Variants in NBAS observed in about 807,000 individuals in gnomAD.
The protein encoded by NBAS is NBAS subunit of NRZ tethering complex, also known as NAG/BC035112 fusion.
A neutral mutation model predicts 302.5 loss-of-function variants in NBAS; 219 were observed. That is an observed-to-expected ratio of 0.72 (90% CI 0.65 to 0.81). NBAS has a LOEUF of 0.81. Ranked by LOEUF, NBAS falls within the 30% of genes least tolerant of loss-of-function variation. The probability of loss-of-function intolerance (pLI) is 0.00; values close to 1 mark genes in which losing one functional copy is unlikely to be tolerated. For synonymous variants in NBAS, 1,118 were observed against 1,021.6 expected (o/e 1.09, Z -1.80); for missense variants, 2,932 against 2,841.6 (o/e 1.03, Z -0.72).
the NBAS span, among the ~76,000 whole-genome samples, chr2:14,843,706 C>T: frequency 1.3e-5 from 2 of 152,074 alleles, no homozygotes; most frequent in Admixed American, 6.5e-5. Context: ...GATGTCACAC[C>T]TCCCTCATCC....
the NBAS span, among the ~76,000 whole-genome samples, chr2:15,011,986 C>T: frequency 3.9e-5 from 6 of 152,222 alleles, no homozygotes; most frequent in African/African-American, 1.4e-4. Flanking sequence ...TCATAGAAGT[C>T]AACAGAGGAA....
the NBAS span, among the ~76,000 whole-genome samples, chr2:15,107,612 G>A: frequency 6.6e-6 from 1 of 152,098 alleles, no homozygotes; most frequent in African/African-American, 2.4e-5. Flanking sequence ...ACCAACAGAA[G>A]GAAGCAACAT....
At chr2:14,795,507 A>C in the NBAS span, among the ~76,000 whole-genome samples, 3 of 151,838 alleles carry the variant, frequency 2.0e-5, no homozygotes, top group African/African-American at 7.3e-5. Context: ...CAAGCCCTTT[A>C]TCAGATATAA....
chr2:15,459,944 C>A (rs77225187), intron 21 of NBAS, among the ~76,000 whole-genome samples: 2,027 of 152,250 alleles, frequency 0.013, 35 homozygotes, highest in East Asian at 0.058. Context: ...TGCTACTGAA[C>A]TTCTGTAAAT....
At chr2:15,542,728 A>G (rs1663910905) in intron 6 of NBAS, among the ~76,000 whole-genome samples, 1 of 152,236 alleles carries the variant, frequency 6.6e-6, no homozygotes, top group African/African-American at 2.4e-5. Context: ...TGACATATGC[A>G]CAGATGCTAC....
chr2:14,949,095 A>T, the NBAS span, among the ~76,000 whole-genome samples: 1 of 152,152 alleles, frequency 6.6e-6, no homozygotes, highest in Admixed American at 6.5e-5. Flanking sequence ...ATCAAATCAA[A>T]TTGGATTACA....
chr2:15,493,983 G>A (rs561459217), intron 11 of NBAS, among the ~76,000 whole-genome samples: 10 of 151,808 alleles, frequency 6.6e-5, no homozygotes, highest in South Asian at 2.1e-4. Flanking sequence ...CTGCCACCAC[G>A]CCGGGCTAAT....
chr2:15,389,424 C>T (rs1675479282), intron 28 of NBAS, among the ~76,000 whole-genome samples: 1 of 152,188 alleles, frequency 6.6e-6, no homozygotes, highest in Non-Finnish European at 1.5e-5. Flanking sequence ...TTGCTGGCTA[C>T]ATGGGTATGG....
the NBAS span, among the ~76,000 whole-genome samples, chr2:15,039,806 GGACA>G: frequency 6.6e-6 from 1 of 152,208 alleles, no homozygotes; most frequent in East Asian, 1.9e-4. Flanking sequence ...AACTCAGAAA[GGACA>G]GCCTGGGAGG....
chr2:14,946,364 C>G, the NBAS span, among the ~76,000 whole-genome samples: 1 of 151,958 alleles, frequency 6.6e-6, no homozygotes, highest in Non-Finnish European at 1.5e-5. Context: ...TAAAAGACCT[C>G]CAATTTAGAC....
chr2:15,178,182 T>C (rs1353315917), intron 51 of NBAS: 1 of 470,050 alleles, frequency 2.1e-6, no homozygotes, highest in Non-Finnish European at 4.4e-6. Context: ...TTTAAAAAAA[T>C]AGCATGCATG....
chr2:14,835,081 T>A, the NBAS span, among the ~76,000 whole-genome samples: 3 of 152,046 alleles, frequency 2.0e-5, no homozygotes, highest in African/African-American at 7.2e-5. Flanking sequence ...GAGTCAATGA[T>A]GACATATTGA....
At chr2:14,815,136 A>T in the NBAS span, among the ~76,000 whole-genome samples, 1 of 152,172 alleles carries the variant, frequency 6.6e-6, no homozygotes, top group African/African-American at 2.4e-5. Flanking sequence ...TTCTTCATAA[A>T]TTACCAAGTC....
At chr2:14,835,657 C>T in the NBAS span, among the ~76,000 whole-genome samples, 1 of 151,912 alleles carries the variant, frequency 6.6e-6, no homozygotes, top group Admixed American at 6.6e-5. Flanking sequence ...CCAATACATA[C>T]CCAGGTTGTT....
chr2:15,216,172 T>G (rs1224730606), intron 48 of NBAS, among the ~76,000 whole-genome samples: 1 of 152,218 alleles, frequency 6.6e-6, no homozygotes, highest in Non-Finnish European at 1.5e-5. Context: ...TGGAGAAGAC[T>G]CTAGATGAGT....
chr2:15,309,469 T>C (rs992869694), intron 38 of NBAS, among the ~76,000 whole-genome samples: 2 of 152,166 alleles, frequency 1.3e-5, no homozygotes, highest in African/African-American at 4.8e-5. Flanking sequence ...TACTTACACA[T>C]GAGGAAATTC....
chr2:15,299,471 G>A (rs865856404), intron 40 of NBAS, among the ~76,000 whole-genome samples: 2 of 151,976 alleles, frequency 1.3e-5, no homozygotes, highest in Admixed American at 6.6e-5. Flanking sequence ...ATATTATTTC[G>A]AAAGTTTTAA....
chr2:15,485,776 A>G (rs1680600473), intron 12 of NBAS, among the ~76,000 whole-genome samples: 1 of 152,228 alleles, frequency 6.6e-6, no homozygotes, highest in Non-Finnish European at 1.5e-5. Context: ...AGTACGGCAG[A>G]AATGGTTACA....
chr2:15,276,776 A>G, intron 43 of NBAS, 75 bp downstream of exon 43: 1 of 1,607,946 alleles, frequency 6.2e-7, no homozygotes, highest in African/African-American at 1.3e-5. Context: ...ATGCATGAAC[A>G]GGATTGTGTA....
Sources: gnomAD v4.1 joint callset for allele counts (sites outside exome capture counted in the v4.1 genomes callset) on GRCh38, gnomAD v4.1.1 for gene constraint, MANE v1.5 for transcripts, NCBI Gene and HGNC (gene_info 2026-07-23, HGNC 2026-07-21) for gene names.